Variants in GMDS observed in about 807,000 individuals in gnomAD.
The protein encoded by GMDS is GDP-mannose 4,6-dehydratase, also known as GDP-mannose 4,6 dehydratase.
In GMDS, 20 loss-of-function variants were observed where a neutral mutation model predicts 49.9. That is an observed-to-expected ratio of 0.40 (90% CI 0.28 to 0.58). The LOEUF (loss-of-function observed/expected upper bound fraction) is 0.58, where lower values mean the gene tolerates loss of function less well. Ranked by LOEUF, GMDS falls within the 20% of genes least tolerant of loss-of-function variation. The pLI is 0.42. For missense variants in GMDS, 362 were observed against 481.4 expected, an observed-to-expected ratio of 0.75 and a Z score of 2.32; for synonymous variants, 177 against 178.6, an observed-to-expected ratio of 0.99 and a Z score of 0.07.
chr6:1,776,865 T>A (rs1415544618), intron 7 of GMDS, among the ~76,000 whole-genome samples: 1 of 152,106 alleles, frequency 6.6e-6, no homozygotes, highest in African/African-American at 2.4e-5. Flanking sequence ...TGCGCAGATA[T>A]ACGGGTGAAG....
At chr6:1,685,178 C>T (rs574973274) in intron 9 of GMDS, among the ~76,000 whole-genome samples, 1 of 152,032 alleles carries the variant, frequency 6.6e-6, no homozygotes, top group South Asian at 2.1e-4. Flanking sequence ...GGGCAGATCA[C>T]TTGAGGTCAA....
chr6:1,631,941 C>T (rs966307100), intron 9 of GMDS, among the ~76,000 whole-genome samples: 5 of 152,182 alleles, frequency 3.3e-5, no homozygotes, highest in African/African-American at 1.2e-4. Context: ...ATGATGACAA[C>T]TCTTTAGGTT....
chr6:1,923,689 A>T (rs561376792), intron 7 of GMDS, among the ~76,000 whole-genome samples: 1 of 152,202 alleles, frequency 6.6e-6, no homozygotes, highest in East Asian at 1.9e-4. Context: ...AAGTAAACGG[A>T]GCACCCTGTC....
intron 2 of GMDS, among the ~76,000 whole-genome samples, chr6:2,117,994 T>C (rs931503178): frequency 2.0e-5 from 3 of 152,162 alleles, no homozygotes; most frequent in Non-Finnish European, 4.4e-5. Context: ...AGCTTGCACT[T>C]TGCATCTACT....
chr6:1,708,696 C>T (rs1466977102), intron 9 of GMDS, among the ~76,000 whole-genome samples: 2 of 152,218 alleles, frequency 1.3e-5, no homozygotes, highest in Admixed American at 6.5e-5. Flanking sequence ...TCCAAGGGCA[C>T]ATGAAAGAAA....
chr6:2,188,680 A>T (rs912140214), intron 1 of GMDS, among the ~76,000 whole-genome samples: 2 of 152,250 alleles, frequency 1.3e-5, no homozygotes, highest in Non-Finnish European at 2.9e-5. Context: ...CTGTCCCATC[A>T]TAATGATAAG....
intron 7 of GMDS, among the ~76,000 whole-genome samples, chr6:1,821,845 C>T (rs926678389): frequency 1.3e-5 from 2 of 151,806 alleles, no homozygotes; most frequent in South Asian, 2.1e-4. Context: ...CTCAGTCTTG[C>T]GGCGGGGGAG....
chr6:2,163,006 G>A (rs1007258582), intron 1 of GMDS, among the ~76,000 whole-genome samples: 3 of 152,146 alleles, frequency 2.0e-5, no homozygotes, highest in African/African-American at 7.2e-5. Context: ...CACTGATCTA[G>A]ACAGCTCTCT....
At chr6:2,089,372 G>A (rs567160996) in intron 4 of GMDS, among the ~76,000 whole-genome samples, 2 of 152,158 alleles carry the variant, frequency 1.3e-5, no homozygotes, top group African/African-American at 2.4e-5. Context: ...AGATGACAAG[G>A]AAGGACTTAA....
intron 1 of GMDS, among the ~76,000 whole-genome samples, chr6:2,177,356 G>A (rs761401626): frequency 7.2e-5 from 11 of 152,018 alleles, no homozygotes; most frequent in Admixed American, 5.2e-4. Context: ...ATAGCTGGCC[G>A]TCATCCTGAT....
chr6:1,884,021 G>T (rs59514691), intron 7 of GMDS, among the ~76,000 whole-genome samples: 1 of 152,090 alleles, frequency 6.6e-6, no homozygotes. Context: ...TTTTTAACTA[G>T]TAAAGATTTT....
chr6:2,011,487 AC>A (rs2127394231), intron 4 of GMDS, among the ~76,000 whole-genome samples: 1 of 152,328 alleles, frequency 6.6e-6, no homozygotes, highest in African/African-American at 2.4e-5. Flanking sequence ...TAAAAAAGAT[AC>A]CTCCAATTAT....
At chr6:1,743,435 C>T (rs5017131) in intron 7 of GMDS, among the ~76,000 whole-genome samples, 58,243 of 142,328 alleles carry the variant, frequency 0.41, 12,599 homozygotes, top group East Asian at 0.63. Context: ...CCCAGCTACT[C>T]GGGAGGCTGA....
At chr6:2,110,060 T>C (rs969510746) in intron 4 of GMDS, among the ~76,000 whole-genome samples, 3 of 152,176 alleles carry the variant, frequency 2.0e-5, no homozygotes, top group Admixed American at 6.5e-5. Context: ...GGGTTTTTAA[T>C]AGGCTACCCC....
chr6:1,645,142 G>A (rs1763448086), intron 9 of GMDS, among the ~76,000 whole-genome samples: 3 of 151,848 alleles, frequency 2.0e-5, no homozygotes, highest in African/African-American at 4.8e-5. Context: ...CACCATGCTG[G>A]TCAGGCTGGT....
chr6:1,706,280 G>T (rs1765733553), intron 9 of GMDS, among the ~76,000 whole-genome samples: 1 of 152,306 alleles, frequency 6.6e-6, no homozygotes, highest in South Asian at 2.1e-4. Flanking sequence ...AGGTGCTGAG[G>T]CAGGAATACA....
intron 9 of GMDS, among the ~76,000 whole-genome samples, chr6:1,647,761 C>T (rs763861588): frequency 4.6e-5 from 7 of 152,188 alleles, no homozygotes; most frequent in South Asian, 2.1e-4. Flanking sequence ...TGAGGAATCT[C>T]GGACACATTC....
chr6:2,031,262 G>A (rs116081730), intron 4 of GMDS, among the ~76,000 whole-genome samples: 131 of 152,334 alleles, frequency 8.6e-4, no homozygotes, highest in Non-Finnish European at 1.1e-3. Context: ...CCTCCACACA[G>A]GAGTGCCACT....
intron 4 of GMDS, among the ~76,000 whole-genome samples, chr6:1,969,204 G>T: frequency 7.7e-6 from 1 of 130,108 alleles, no homozygotes; most frequent in African/African-American, 2.8e-5. Flanking sequence ...GGCGCTTGCA[G>T]TGAGCTGAGA....
Sources: gnomAD v4.1 joint callset for allele counts (sites outside exome capture counted in the v4.1 genomes callset) on GRCh38, gnomAD v4.1.1 for gene constraint, MANE v1.5 for transcripts, NCBI Gene and HGNC (gene_info 2026-07-23, HGNC 2026-07-21) for gene names.